ZNF469: variants seen among roughly 807,000 people sequenced by gnomAD.
ZNF469 encodes zinc finger protein 469.
Under a neutral mutation model 1.0 loss-of-function variants are expected in ZNF469, and 1 was observed. That is an observed-to-expected ratio of 1.00 (90% CI 0.35 to 4.73). The LOEUF is 4.73. Among genes scored for constraint, ZNF469 ranks in the 30% most tolerant of loss-of-function variants. The probability of loss-of-function intolerance (pLI) is 0.16; values close to 1 mark genes in which losing one functional copy is unlikely to be tolerated. For missense variants in ZNF469, 6,100 were observed against 5,356.3 expected, an observed-to-expected ratio of 1.14 and a Z score of -4.33; for synonymous variants, 2,703 against 2,363.4, an observed-to-expected ratio of 1.14 and a Z score of -4.17.
At chr16:88,319,886 A>G in the ZNF469 span, among the ~76,000 whole-genome samples, 1 of 152,182 alleles carries the variant, frequency 6.6e-6, no homozygotes, top group African/African-American at 2.4e-5. Context: ...TCTTCCAAGG[A>G]AAGGTTTTCT....
In ZNF469 at chr16:88,429,233, C is replaced by T. The variant is rs916979861; in HGVS notation, c.1763C>T (p.Pro588Leu). The T allele has an allele frequency of 9.7e-6, 15 of 1,549,684 alleles. No individual in the cohort carries two copies. Among genetic ancestry groups the T allele is most frequent in the Non-Finnish European group, 1.3e-5 (15 of 1,146,816 alleles). ...LPPPRVVGAS[P>L]SESPLPSPAT... ...CCACCGAGGGTAGTGGGAGCCTCCC[C>T]CAGCGAGTCCCCACTGCCGTCACCG... The change falls in exon 3 of 3, where the codon CCC (proline) becomes CTC (leucine). Residue 588 changes from proline (P) to leucine (L), a missense_variant. Physicochemically the swap from Pro to Leu is moderately conservative, Grantham distance 98. Coordinates refer to ENST00000565624, the MANE Select transcript of ZNF469 (RefSeq NM_001367624.2).
the ZNF469 span, among the ~76,000 whole-genome samples, chr16:88,327,465 G>A: frequency 1.3e-5 from 2 of 152,224 alleles, no homozygotes; most frequent in Non-Finnish European, 2.9e-5. Context: ...GCGTAAGCAT[G>A]GTGTGGGTGC....
the ZNF469 span, among the ~76,000 whole-genome samples, chr16:88,334,745 A>C: frequency 2.0e-5 from 3 of 152,232 alleles, no homozygotes; most frequent in Non-Finnish European, 4.4e-5. Flanking sequence ...AAGCGTCATA[A>C]GGAAAAGGGA....
At chr16:88,412,460 T>C (rs1532633) in intron 1 of ZNF469, among the ~76,000 whole-genome samples, 148,292 of 152,330 alleles carry the variant, frequency 0.97, 72,190 homozygotes, top group East Asian at 1. Flanking sequence ...TGCATCGGAG[T>C]TCATGAGGTC....
At chr16:88,305,276 GCTCTCAGGCA>G in the ZNF469 span, among the ~76,000 whole-genome samples, 2 of 90,730 alleles carry the variant, frequency 2.2e-5, no homozygotes, top group South Asian at 3.6e-4. Flanking sequence ...TCACACACAT[GCTCTCAGGCA>G]CACACACACG....
the ZNF469 span, among the ~76,000 whole-genome samples, chr16:88,111,279 G>C: frequency 6.6e-6 from 1 of 152,174 alleles, no homozygotes; most frequent in African/African-American, 2.4e-5. Flanking sequence ...GTACGTCGTA[G>C]ATGTATATAT....
At chr16:88,400,480 C>G (rs1904822382) in intron 1 of ZNF469, among the ~76,000 whole-genome samples, 1 of 152,348 alleles carries the variant, frequency 6.6e-6, no homozygotes, top group Middle Eastern at 3.4e-3. Context: ...AGTCCCAGAG[C>G]TGCTGTGGGT....
the ZNF469 span, among the ~76,000 whole-genome samples, chr16:88,264,073 T>C: frequency 6.6e-6 from 1 of 151,890 alleles, no homozygotes; most frequent in Non-Finnish European, 1.5e-5. Flanking sequence ...CTGGGAGACT[T>C]ACTCCCCACC....
Position 88,430,357 on chromosome 16 carries a change from G to A in ZNF469, c.2887G>A (p.Ala963Thr). The change falls in exon 3 of 3, where the codon GCA becomes ACA. Residue 963 changes from alanine (A) to threonine (T), a missense_variant. Transcript: ENST00000565624. ...CCGGAAGGATCTGGACTCGGGCGGCGCAGCAGAGGGGTCGGGGTCGGGCGG... is the reference window on the plus strand; with the variant it reads ...CCGGAAGGATCTGGACTCGGGCGGCACAGCAGAGGGGTCGGGGTCGGGCGG... Reference protein sequence around the residue: ...LFRKDLDSGGAAEGSGSGGGG... With the variant: ...LFRKDLDSGGTAEGSGSGGGG... 1 of 1,511,874 alleles carries A rather than the reference G, an allele frequency of 6.6e-7. No homozygotes were observed. Among genetic ancestry groups the A allele is most frequent in the Non-Finnish European group, 8.8e-7 (1 of 1,134,476 alleles). 93.7% of individuals were successfully genotyped at this position (1,511,874 alleles called of 1,614,324 possible).
At chr16:88,277,964 C>T in the ZNF469 span, among the ~76,000 whole-genome samples, 1 of 36,766 alleles carries the variant, frequency 2.7e-5, no homozygotes, top group Non-Finnish European at 5.3e-5. Flanking sequence ...ACGGTTAGTG[C>T]TGCGCCACCC....
the ZNF469 span, among the ~76,000 whole-genome samples, chr16:88,202,863 C>G: frequency 6.6e-6 from 1 of 152,096 alleles, no homozygotes; most frequent in African/African-American, 2.4e-5. Flanking sequence ...TCCCTGCAGC[C>G]CAGGTGAGAT....
At chr16:88,235,874 G>A in the ZNF469 span, among the ~76,000 whole-genome samples, 115 of 152,324 alleles carry the variant, frequency 7.5e-4, 1 homozygote, top group African/African-American at 2.7e-3. Flanking sequence ...GGAGGTTCAG[G>A]CAGAGTCAGT....
At position 88,430,527 on chromosome 16, in the gene ZNF469, C is replaced by A; in HGVS notation, c.3057C>A (p.Pro1019=). ...APRVPRAAAL[P]EETRSSRRRR... ...GGGTCCCGAGAGCCGCCGCCCTCCCCGAGGAGACCCGCAGCTCCCGGCGCC... is the reference window on the plus strand; with the variant it reads ...GGGTCCCGAGAGCCGCCGCCCTCCCAGAGGAGACCCGCAGCTCCCGGCGCC... Residue 1019 remains proline, a synonymous_variant, in exon 3 of 3, where the codon CCC becomes CCA. Coordinates refer to ENST00000565624, the MANE Select transcript of ZNF469 (RefSeq NM_001367624.2). 6.9e-7 allele frequency: 1 copy of A among 1,456,382 alleles called. No individual in the cohort carries two copies. Among genetic ancestry groups the A allele is most frequent in the South Asian group, 1.4e-5 (1 of 73,374 alleles). 90.2% of individuals were successfully genotyped at this position (1,456,382 alleles called of 1,614,324 possible). A position where few individuals can be genotyped will look rare whatever the true frequency, so the allele number is the denominator to read the frequency against.
the ZNF469 span, among the ~76,000 whole-genome samples, chr16:88,303,663 A>G: frequency 6.6e-6 from 1 of 151,756 alleles, no homozygotes; most frequent in East Asian, 1.9e-4. Context: ...CGGTGCCTCC[A>G]CTCTCTTCCT....
At chr16:88,379,808 C>CG (rs149348153), upstream of ZNF469, among the ~76,000 whole-genome samples, 4,547 of 152,182 alleles carry the variant, frequency 0.03, 155 homozygotes, top group Admixed American at 0.1. Context: ...AGGTGTGCCG[C>CG]GGGCCTTGGC....
At chr16:88,249,422 TCTTTTTC>T in the ZNF469 span, among the ~76,000 whole-genome samples, 1 of 82,102 alleles carries the variant, frequency 1.2e-5, no homozygotes, top group Non-Finnish European at 2.1e-5. Flanking sequence ...TCTTTCTTTT[TCTTTTTC>T]TTTTTTTTTT....
chr16:88,430,792 G>C lies in ZNF469; in HGVS notation c.3322G>C (p.Gly1108Arg). 1 of 1,526,892 alleles carries C rather than the reference G, an allele frequency of 6.5e-7. No homozygotes were observed. The highest frequency in any genetic ancestry group is 8.7e-7 in the Non-Finnish European group (1 of 1,143,510). The allele number at this position is 1,526,892 out of a possible 1,614,324, so 94.6% of individuals were successfully genotyped here. A position where few individuals can be genotyped will look rare whatever the true frequency, so the allele number is the denominator to read the frequency against. ...SEEDEQPPPR[G>R]PGFRGRRGRG... ...GGAGGACGAGCAGCCTCCGCCGCGGGGCCCCGGCTTCAGAGGCCGGCGGGG... is the reference window on the plus strand; with the variant it reads ...GGAGGACGAGCAGCCTCCGCCGCGGCGCCCCGGCTTCAGAGGCCGGCGGGG... The change falls in exon 3 of 3, where the codon GGC (glycine) becomes CGC (arginine). Residue 1108 changes from glycine (G) to arginine (R), a missense_variant. By Grantham distance (125) the Gly-to-Arg change is moderately radical. Coordinates refer to ENST00000565624, the MANE Select transcript of ZNF469 (RefSeq NM_001367624.2).
chr16:88,273,929 C>T, the ZNF469 span, among the ~76,000 whole-genome samples: 21 of 152,082 alleles, frequency 1.4e-4, 1 homozygote, highest in Non-Finnish European at 2.9e-4. Flanking sequence ...CTCAGCCTCC[C>T]GTGTAGCTGG....
intron 1 of ZNF469, among the ~76,000 whole-genome samples, chr16:88,413,520 C>T (rs1905230473): frequency 6.6e-6 from 1 of 152,236 alleles, no homozygotes; most frequent in Non-Finnish European, 1.5e-5. Context: ...CCTGCTCAGC[C>T]CCACTGGGCC....
Sources: gnomAD v4.1 joint callset for allele counts (sites outside exome capture counted in the v4.1 genomes callset) on GRCh38, gnomAD v4.1.1 for gene constraint, MANE v1.5 for transcripts, NCBI Gene and HGNC (gene_info 2026-07-23, HGNC 2026-07-21) for gene names.